The following SNX13 variants were observed in gnomAD, a reference collection of about 807,000 sequenced individuals.
SNX13 encodes sorting nexin-13.
SNX13 carries 45 observed loss-of-function variants against 133.6 expected under a neutral mutation model. The observed-to-expected ratio is 0.34, with a 90% CI of 0.27 to 0.43. The LOEUF (loss-of-function observed/expected upper bound fraction) is 0.43. SNX13 is among the 20% of genes least tolerant of loss of function. The probability of loss-of-function intolerance (pLI) is 1.00; values close to 1 mark genes in which losing one functional copy is unlikely to be tolerated. For synonymous variants in SNX13, 414 were observed against 373.9 expected (o/e 1.11, Z -1.24); for missense variants, 1,032 against 1,145.1 (o/e 0.90, Z 1.43).
chr7:17,824,802 G>A (rs1032688545), intron 17 of SNX13, among the ~76,000 whole-genome samples: 6 of 149,202 alleles, frequency 4.0e-5, no homozygotes, highest in Non-Finnish European at 8.9e-5. Flanking sequence ...ACGGAGTCTC[G>A]CTCTGTCGCC....
At chr7:17,889,188 T>C (rs1010640672) in intron 5 of SNX13, 2 of 153,824 alleles carry the variant, frequency 1.3e-5, no homozygotes, top group African/African-American at 4.8e-5. Flanking sequence ...ATACCAATTA[T>C]ATGTTCTGTG....
intron 1 of SNX13, among the ~76,000 whole-genome samples, chr7:17,915,900 C>T (rs2128028036): frequency 6.6e-6 from 1 of 152,304 alleles, no homozygotes. Context: ...GTCCACATTG[C>T]TCTGTCACAA....
At chr7:17,885,060 G>A (rs750561399) in intron 5 of SNX13, among the ~76,000 whole-genome samples, 22 of 152,150 alleles carry the variant, frequency 1.4e-4, no homozygotes, top group Non-Finnish European at 2.8e-4. Context: ...ACTCATAGTA[G>A]CATTATTCAT....
intron 1 of SNX13, chr7:17,899,795 T>C (rs1457121652): frequency 6.6e-6 from 1 of 152,146 alleles, no homozygotes; most frequent in East Asian, 1.9e-4. Context: ...TCTCCAGGAT[T>C]GGTCTGTGGT....
chr7:17,838,478 G>A (rs994347011), intron 13 of SNX13, among the ~76,000 whole-genome samples: 5 of 151,688 alleles, frequency 3.3e-5, no homozygotes, highest in Non-Finnish European at 7.4e-5. Flanking sequence ...TCTATTCACT[G>A]ATTCTCACAA....
intron 1 of SNX13, among the ~76,000 whole-genome samples, chr7:17,925,627 T>G (rs1800658589): frequency 2.6e-5 from 4 of 152,126 alleles, no homozygotes; most frequent in South Asian, 4.1e-4. Flanking sequence ...CAAGGGCAAT[T>G]TTGCTCCCCA....
At chr7:17,807,937 G>A (rs1785512163) in intron 20 of SNX13, among the ~76,000 whole-genome samples, 1 of 152,108 alleles carries the variant, frequency 6.6e-6, no homozygotes, top group Non-Finnish European at 1.5e-5. Flanking sequence ...CATCCACACA[G>A]AAACCCATCT....
chr7:17,829,429 T>C (rs1788238629), intron 16 of SNX13, among the ~76,000 whole-genome samples: 1 of 151,488 alleles, frequency 6.6e-6, no homozygotes, highest in African/African-American at 2.4e-5. Flanking sequence ...AAAATGCCAA[T>C]GACAGTTGAG....
intron 22 of SNX13, 21 bp from the exon 23 acceptor site, chr7:17,799,175 A>T (rs775097657): frequency 1.3e-6 from 2 of 1,576,528 alleles, no homozygotes; most frequent in Non-Finnish European, 1.7e-6. Context: ...ATAAGAAATA[A>T]GAATAAGTTT....
intron 2 of SNX13, among the ~76,000 whole-genome samples, chr7:17,894,731 A>AT (rs1562484643): frequency 2.0e-5 from 3 of 152,208 alleles, no homozygotes; most frequent in African/African-American, 7.2e-5. Context: ...TAATGATCTT[A>AT]TAGTAATGTT....
chr7:17,849,944 C>T (rs964193779), intron 11 of SNX13, among the ~76,000 whole-genome samples: 1 of 152,108 alleles, frequency 6.6e-6, no homozygotes, highest in Non-Finnish European at 1.5e-5. Flanking sequence ...TGATATTACG[C>T]GTCAATTTGC....
At chr7:17,815,228 G>A (rs1461032288) in intron 19 of SNX13, among the ~76,000 whole-genome samples, 4 of 152,094 alleles carry the variant, frequency 2.6e-5, no homozygotes, top group Non-Finnish European at 5.9e-5. Context: ...AGATCTTACA[G>A]CTTATACTAA....
Position 17,868,453 on chromosome 7 carries a change from T to C in SNX13, c.791A>G (p.Asn264Ser), listed in dbSNP as rs1793667553. 1 of 1,610,254 alleles carries C rather than the reference T, an allele frequency of 6.2e-7. No individual in the cohort carries two copies. The highest frequency in any genetic ancestry group is 8.5e-7 in the Non-Finnish European group (1 of 1,178,214). Residue 264 changes from asparagine (N) to serine (S), a missense_variant, in exon 9 of 26, where the codon AAT becomes AGT. By Grantham distance (46) the Asn-to-Ser change is conservative. Coordinates refer to ENST00000428135, the MANE Select transcript of SNX13 (RefSeq NM_015132.5). ...LARGILLPLI[N>S]QLSDPDYINQ... ...AATATAATCAGGATCACTGAGTTGATTTATTAATGGAAGAAGAATTCCTCG... is the reference window on the plus strand; with the variant it reads ...AATATAATCAGGATCACTGAGTTGACTTATTAATGGAAGAAGAATTCCTCG...
intron 5 of SNX13, chr7:17,888,583 T>G: frequency 2.4e-6 from 1 of 423,678 alleles, no homozygotes; most frequent in South Asian, 1.8e-5. Flanking sequence ...AGCTTCCTCA[T>G]CAGTAAAATT....
Position 17,805,254 on chromosome 7 carries a change from T to TGTGTGTGTGC in SNX13, c.2065-1675_2065-1674insGCACACACAC, listed in dbSNP as rs537620797. On this transcript the variant is annotated intron_variant, in intron 20 of 25. Transcript: ENST00000428135. ...GTGTGTGTGTGTGTGTGTGTGTGCG[T>TGTGTGTGTGC]GCGCGCGCGCGCATGCATGCACATG... is the stretch of plus-strand genomic sequence containing the variant. Among the ~76,000 whole-genome samples, 241 of 132,490 alleles carry TGTGTGTGTGC rather than the reference T, an allele frequency of 1.8e-3. 6 individuals carry two copies. The highest frequency in any genetic ancestry group is 0.011 in the East Asian group (51 of 4,646). 86.9% of individuals were successfully genotyped at this position (132,490 alleles called of 152,430 possible). A position where few individuals can be genotyped will look rare whatever the true frequency, so the allele number is the denominator to read the frequency against.
At chr7:17,933,561 G>A (rs1445769535) in intron 1 of SNX13, among the ~76,000 whole-genome samples, 4 of 150,746 alleles carry the variant, frequency 2.7e-5, no homozygotes, top group African/African-American at 4.9e-5. Context: ...AAAAAAAAGA[G>A]AGAACTTGCT....
intron 1 of SNX13, among the ~76,000 whole-genome samples, chr7:17,937,259 T>G (rs1802199209): frequency 6.6e-6 from 1 of 152,102 alleles, no homozygotes; most frequent in South Asian, 2.1e-4. Flanking sequence ...ACATATTAGT[T>G]TGCTCAACTG....
chr7:17,845,471 T>C (rs1249017358), intron 12 of SNX13, 124 bp downstream of exon 12: 3 of 604,838 alleles, frequency 5.0e-6, no homozygotes, highest in Non-Finnish European at 8.5e-6. Context: ...CATGAATACA[T>C]TTAATATCAC....
At chr7:17,861,266 G>A (rs1252334346) in intron 9 of SNX13, among the ~76,000 whole-genome samples, 1 of 151,778 alleles carries the variant, frequency 6.6e-6, no homozygotes, top group Non-Finnish European at 1.5e-5. Context: ...CCCCGCCCCT[G>A]CCAGAAATGT....
Sources: gnomAD v4.1 joint callset for allele counts (sites outside exome capture counted in the v4.1 genomes callset) on GRCh38, gnomAD v4.1.1 for gene constraint, MANE v1.5 for transcripts, NCBI Gene and HGNC (gene_info 2026-07-23, HGNC 2026-07-21) for gene names.